Variants in MED13L observed in about 807,000 individuals in gnomAD.
MED13L encodes mediator complex subunit 13L.
Under a neutral mutation model 220.9 loss-of-function variants are expected in MED13L, and 7 were observed. The observed-to-expected ratio is 0.03, with a 90% CI of 0.02 to 0.06. MED13L has a LOEUF of 0.06. Among genes scored for constraint, MED13L ranks in the 10% least tolerant of loss-of-function variants. The pLI is 1.00. For synonymous variants in MED13L, 1,011 were observed against 1,015.2 expected (o/e 1.00, Z 0.08); for missense variants, 1,965 against 2,760.5 (o/e 0.71, Z 6.46).
chr12:116,076,535 T>C (rs1012060707), intron 4 of MED13L, among the ~76,000 whole-genome samples: 5 of 152,044 alleles, frequency 3.3e-5, no homozygotes, highest in African/African-American at 1.2e-4. Context: ...AGGCTTTGTC[T>C]TACAAACAAA....
At chr12:116,252,497 C>G (rs1162260782) in intron 1 of MED13L, among the ~76,000 whole-genome samples, 1 of 152,028 alleles carries the variant, frequency 6.6e-6, no homozygotes, top group Admixed American at 6.5e-5. Flanking sequence ...TGTGATTGCT[C>G]CACTGCACAT....
At chr12:116,225,192 T>C (rs935567899) in intron 2 of MED13L, among the ~76,000 whole-genome samples, 1 of 152,222 alleles carries the variant, frequency 6.6e-6, no homozygotes, top group Admixed American at 6.5e-5. Flanking sequence ...GGGAATCAAA[T>C]AGATATATCT....
chr12:116,009,691 T>C (rs1879275680), intron 9 of MED13L, among the ~76,000 whole-genome samples: 1 of 152,214 alleles, frequency 6.6e-6, no homozygotes, highest in Non-Finnish European at 1.5e-5. Flanking sequence ...TATGTGCCAC[T>C]ATATCTAGGC....
chr12:116,045,570 CAT>C (rs1362407930), intron 4 of MED13L, among the ~76,000 whole-genome samples: 1 of 152,130 alleles, frequency 6.6e-6, no homozygotes, highest in Non-Finnish European at 1.5e-5. Context: ...TATGGTATGA[CAT>C]AAAATATGAG....
chr12:116,072,899 T>G (rs1418979962), intron 4 of MED13L, among the ~76,000 whole-genome samples: 1 of 152,152 alleles, frequency 6.6e-6, no homozygotes, highest in African/African-American at 2.4e-5. Flanking sequence ...ACAAAACAAA[T>G]TAGGTTCGTT....
rs1405925127 is a variant in MED13L, at chr12:116,271,179, C to G, written c.72+5881G>C. Among the ~76,000 whole-genome samples the G allele has an allele frequency of 2.0e-5, 3 of 151,206 alleles. No homozygotes were observed. The East Asian group carries it at 5.9e-4, about 30-fold the overall frequency. On this transcript the variant is annotated intron_variant, in intron 1 of 30. Coordinates refer to ENST00000281928, the MANE Select transcript of MED13L (RefSeq NM_015335.5). ...ATACTGATTCGCTAATTCTGAAACT[C>G]TAAGCAAGTCTTATGAAACAAATAC...
chr12:115,987,111 T>C lies in MED13L; in HGVS notation c.4112A>G (p.Tyr1371Cys), dbSNP rs752847712. ...TTTAAACAGGACAAAGACCCTACCG[T>C]AGGTTCCCCGTCCTGCCATTTTATG... ...QFHKMAGRGT[Y>C]GSEESPEPLP... Residue 1371 changes from tyrosine (Y) to cysteine (C), a missense_variant and splice_region_variant, in exon 18 of 31, where the codon TAC (tyrosine) becomes TGC (cysteine). Around this residue, in one of 10 missense-constraint regions of MED13L, gnomAD observed 21 missense variants for 73.9 expected, o/e 0.28. Transcript: ENST00000281928. 6.2e-7 allele frequency: 1 copy of C among 1,614,084 alleles called. No homozygotes were observed. The highest frequency in any genetic ancestry group is 8.5e-7 in the Non-Finnish European group (1 of 1,179,964).
At chr12:116,052,012 C>T (rs1381142633) in intron 4 of MED13L, among the ~76,000 whole-genome samples, 1 of 152,066 alleles carries the variant, frequency 6.6e-6, no homozygotes, top group Non-Finnish European at 1.5e-5. Flanking sequence ...TTTCTAACAG[C>T]AGCAGTGGTA....
chr12:116,135,783 T>C (rs1876492281), intron 2 of MED13L, among the ~76,000 whole-genome samples: 1 of 152,108 alleles, frequency 6.6e-6, no homozygotes, highest in South Asian at 2.1e-4. Context: ...TATAAGTCAA[T>C]CAGATACACA....
chr12:116,151,351 T>G (rs1878023557), intron 2 of MED13L, among the ~76,000 whole-genome samples: 1 of 152,238 alleles, frequency 6.6e-6, no homozygotes, highest in African/African-American at 2.4e-5. Flanking sequence ...GTGAAAATGT[T>G]TCTTCACATC....
At chr12:116,124,601 C>T (rs975863967) in intron 2 of MED13L, among the ~76,000 whole-genome samples, 4 of 152,004 alleles carry the variant, frequency 2.6e-5, no homozygotes, top group Non-Finnish European at 4.4e-5. Flanking sequence ...TTCTACTATA[C>T]CACAGTTTAT....
chr12:116,027,362 C>T (rs1416381280), intron 4 of MED13L, among the ~76,000 whole-genome samples: 1 of 152,124 alleles, frequency 6.6e-6, no homozygotes, highest in East Asian at 1.9e-4. Context: ...GTTGAGGTGG[C>T]AGACAGCCCA....
rs549562601 is a variant in MED13L, at chr12:115,996,499, G to A, written c.2973C>T (p.Ala991=). The A allele has an allele frequency of 1.2e-6, 2 of 1,614,100 alleles. No individual in the cohort carries two copies. Among genetic ancestry groups the A allele is most frequent in the South Asian group, 1.1e-5 (1 of 91,078 alleles). The change falls in exon 16 of 31, where the codon GCC becomes GCT. Residue 991 remains alanine, a synonymous_variant. Transcript: ENST00000281928. ...KIEQLPMPPA[A]TFIRDGYNNV... is the part of the protein sequence containing the mutation. Reference sequence around the variant, plus strand: ...ACTTGTAGCCATCTCTAATGAAAGTGGCTGCAGGGGGCATGGGCAGTTGTT... The same window carrying A: ...ACTTGTAGCCATCTCTAATGAAAGTAGCTGCAGGGGGCATGGGCAGTTGTT...
At chr12:116,001,204 TTCTGTTTTTTGAGATGGAG>T (rs2137350393) in intron 14 of MED13L, among the ~76,000 whole-genome samples, 1 of 152,260 alleles carries the variant, frequency 6.6e-6, no homozygotes, top group South Asian at 2.1e-4. Flanking sequence ...TTTGTTTTGT[TTCTGTTTTTTGAGATGGAG>T]TCTTGCTCTG....
intron 2 of MED13L, among the ~76,000 whole-genome samples, chr12:116,162,909 A>G (rs992589921): frequency 1.3e-5 from 2 of 152,186 alleles, no homozygotes; most frequent in Admixed American, 6.5e-5. Context: ...AAAGATAAAA[A>G]ATAAATAAAG....
chr12:116,194,922 T>A (rs1482743573), intron 2 of MED13L, among the ~76,000 whole-genome samples: 1 of 151,620 alleles, frequency 6.6e-6, no homozygotes, highest in Non-Finnish European at 1.5e-5. Context: ...TAACAGAGAG[T>A]GGGCAGAAGG....
At chr12:116,205,518 AAAAC>A (rs1185105087) in intron 2 of MED13L, among the ~76,000 whole-genome samples, 2 of 145,342 alleles carry the variant, frequency 1.4e-5, no homozygotes, top group Non-Finnish European at 3.0e-5. Context: ...TTAAAAAAAA[AAAAC>A]AAAGGAAGAG....
At chr12:116,173,381 A>C (rs1879819830) in intron 2 of MED13L, among the ~76,000 whole-genome samples, 1 of 152,170 alleles carries the variant, frequency 6.6e-6, no homozygotes, top group South Asian at 2.1e-4. Context: ...AGACAAACTC[A>C]AGAAACTATG....
At chr12:116,176,876 CAAAAAA>C (rs11285058) in intron 2 of MED13L, among the ~76,000 whole-genome samples, 210 of 74,230 alleles carry the variant, frequency 2.8e-3, no homozygotes, top group African/African-American at 0.011. Flanking sequence ...AGAACTCAGC[CAAAAAA>C]AAAAAAAAAA....
Sources: allele counts gnomAD v4.1 joint callset (sites outside exome capture counted in the v4.1 genomes callset), GRCh38; gene constraint gnomAD v4.1.1; regional missense constraint gnomAD v4.1.1; transcripts MANE v1.5; gene names NCBI Gene and HGNC (gene_info 2026-07-23, HGNC 2026-07-21).